CRY2: variants seen among roughly 807,000 people sequenced by gnomAD.
CRY2 encodes the protein cryptochrome-2.
A neutral mutation model predicts 69.5 loss-of-function variants in CRY2; 31 were observed. The observed-to-expected ratio is 0.45, with a 90% CI of 0.34 to 0.60. The LOEUF (loss-of-function observed/expected upper bound fraction) is 0.60, where lower values mean the gene tolerates loss of function less well. Ranked by LOEUF, CRY2 falls within the 20% of genes least tolerant of loss-of-function variation. The pLI is 0.02. For synonymous variants in CRY2, 303 were observed against 312.2 expected (o/e 0.97, Z 0.31); for missense variants, 606 against 797.8 (o/e 0.76, Z 2.90).
intron 1 of CRY2, among the ~76,000 whole-genome samples, 162 bp downstream of exon 1, chr11:45,847,867 G>A (rs971562975): frequency 2.6e-4 from 39 of 152,200 alleles, no homozygotes; most frequent in Admixed American, 1.3e-3. Flanking sequence ...GCGCCGGTGG[G>A]CCAGGGTTCA....
At chr11:45,873,879 T>C (rs1416299486) in intron 11 of CRY2, among the ~76,000 whole-genome samples, 1 of 152,198 alleles carries the variant, frequency 6.6e-6, no homozygotes, top group Non-Finnish European at 1.5e-5. Context: ...GCAGGGCGCT[T>C]AGGACAAGAA....
At chr11:45,864,401 T>C (rs973426411) in intron 5 of CRY2, among the ~76,000 whole-genome samples, 8 of 151,296 alleles carry the variant, frequency 5.3e-5, no homozygotes, top group Non-Finnish European at 8.8e-5. Context: ...GGCAGGAGGA[T>C]CTCTTGAACC....
intron 1 of CRY2, among the ~76,000 whole-genome samples, chr11:45,853,645 AC>A (rs141467132): frequency 0.17 from 25,702 of 152,090 alleles, 2,793 homozygotes; most frequent in Non-Finnish European, 0.24. Flanking sequence ...CAGATGGAGG[AC>A]CCTGTGTCCT....
chr11:45,880,600 A>G (rs894422291), intron 11 of CRY2, among the ~76,000 whole-genome samples: 2 of 152,152 alleles, frequency 1.3e-5, no homozygotes, highest in African/African-American at 4.8e-5. Flanking sequence ...TATCTGAGCA[A>G]GTATCCCCCA....
chr11:45,867,420 A>G (rs2086339575), intron 5 of CRY2, 192 bp from the exon 6 acceptor site: 1 of 613,084 alleles, frequency 1.6e-6, no homozygotes, highest in African/African-American at 1.8e-5. Flanking sequence ...AGCAAGTCAG[A>G]GAATGACATA....
chr11:45,857,378 C>T (rs2086249473), intron 2 of CRY2, among the ~76,000 whole-genome samples: 1 of 152,138 alleles, frequency 6.6e-6, no homozygotes, highest in Admixed American at 6.5e-5. Flanking sequence ...GTATCCTTAC[C>T]CACCATACCA....
At chr11:45,847,762 G>C in intron 1 of CRY2, 57 bp downstream of exon 1, 1 of 1,490,008 alleles carries the variant, frequency 6.7e-7, no homozygotes, top group Non-Finnish European at 9.0e-7. Flanking sequence ...ACCCTGGGGT[G>C]ACCGGCGAAC....
chr11:45,875,054 G>T (rs1386886180), intron 11 of CRY2, among the ~76,000 whole-genome samples: 3 of 152,366 alleles, frequency 2.0e-5, no homozygotes, highest in South Asian at 2.1e-4. Flanking sequence ...TATAAGGGTT[G>T]CTGGTCCAGG....
intron 1 of CRY2, 66 bp from the exon 2 acceptor site, chr11:45,855,916 C>A: frequency 7.3e-7 from 1 of 1,374,222 alleles, no homozygotes; most frequent in Non-Finnish European, 1.0e-6. Context: ...TTTCTCCCTG[C>A]TTTGTTAGGA....
intron 1 of CRY2, among the ~76,000 whole-genome samples, chr11:45,851,573 A>G (rs892013542): frequency 6.6e-6 from 1 of 152,214 alleles, no homozygotes; most frequent in Non-Finnish European, 1.5e-5. Context: ...TGCCAAGGAA[A>G]TGTTTCTGTT....
chr11:45,867,629 T>C lies in CRY2; in HGVS notation c.759T>C (p.Tyr253=). The change falls in exon 6 of 12, where the codon TAT becomes TAC. Residue 253 remains tyrosine, a synonymous_variant. Coordinates refer to ENST00000616080, the MANE Select transcript of CRY2 (RefSeq NM_021117.5). ...TGCTGTAGGCCTGGGTTGCCAACTA[T>C]GAGAGACCCCGAATGAACGCCAACT... ...HLERKAWVAN[Y]ERPRMNANSL... The C allele has an allele frequency of 6.2e-7, 1 of 1,614,242 alleles. No homozygotes were observed. The highest frequency in any genetic ancestry group is 8.5e-7 in the Non-Finnish European group (1 of 1,180,042).
At chr11:45,861,880 G>C (rs1311377269) in intron 4 of CRY2, 180 bp from the exon 5 acceptor site, 2 of 598,302 alleles carry the variant, frequency 3.3e-6, no homozygotes, top group Non-Finnish European at 5.9e-6. Context: ...AGAAAATAGT[G>C]ACTGTGGGAA....
intron 1 of CRY2, among the ~76,000 whole-genome samples, chr11:45,851,968 G>A (rs1305531487): frequency 6.6e-6 from 1 of 152,164 alleles, no homozygotes; most frequent in Non-Finnish European, 1.5e-5. Flanking sequence ...CACAGGATCA[G>A]CCATTCCTAG....
At chr11:45,867,317 T>G (rs2086338958) in intron 5 of CRY2, 1 of 367,488 alleles carries the variant, frequency 2.7e-6, no homozygotes, top group African/African-American at 2.0e-5. Context: ...TATCTCATTT[T>G]AATCCACAGA....
At chr11:45,850,008 G>GTT (rs68150323) in intron 1 of CRY2, among the ~76,000 whole-genome samples, 167 of 142,982 alleles carry the variant, frequency 1.2e-3, no homozygotes, top group African/African-American at 4.1e-3. Flanking sequence ...TTTGTTTTTT[G>GTT]TTTTTTTTTT....
intron 4 of CRY2, 181 bp downstream of exon 4, chr11:45,861,213 C>T: frequency 1.6e-6 from 1 of 642,430 alleles, no homozygotes; most frequent in Non-Finnish European, 2.6e-6. Flanking sequence ...AAACTGTGTC[C>T]TTCTAGTATT....
rs769444959 is a variant in CRY2, at chr11:45,870,099, G to C, written c.1241G>C (p.Gly414Ala). ...GATGCAGATTTCAGCGTGAACGCAG[G>C]CAGCTGGATGTGGCTGTCCTGCAGT... is the stretch of plus-strand genomic sequence containing the variant. ...LLDADFSVNA[G>A]SWMWLSCSAF... Residue 414 changes from glycine (G) to alanine (A), a missense_variant, in exon 8 of 12, where the codon GGC becomes GCC. Physicochemically the swap from Gly to Ala is moderately conservative, Grantham distance 60. Transcript: ENST00000616080. The C allele has an allele frequency of 6.2e-7, 1 of 1,612,692 alleles. No individual in the cohort carries two copies.
chr11:45,848,242 T>G (rs1590759385), intron 1 of CRY2, among the ~76,000 whole-genome samples: 2 of 152,064 alleles, frequency 1.3e-5, no homozygotes, highest in Non-Finnish European at 2.9e-5. Context: ...CCTCTAGGGG[T>G]GTCAAGTGAC....
In CRY2 at chr11:45,860,704, T is replaced by TC. The variant is rs1477192922; in HGVS notation, c.468-142dup. ...TGGAGATGCGGCCTCCCTTGCCCCC[T>TC]CCTTTCCACTCAGGCATGGGACCTG... On this transcript the variant is annotated intron_variant, in intron 3 of 11. Coordinates refer to ENST00000616080, the MANE Select transcript of CRY2 (RefSeq NM_021117.5). 46 of 844,772 alleles carry TC rather than the reference T, an allele frequency of 5.4e-5. No individual in the cohort carries two copies. The African/African-American group carries it at 7.6e-4, about 14-fold the overall frequency. The allele number at this position is 844,772 out of a possible 1,614,324, so 52.3% of individuals were successfully genotyped here.
Sources: gnomAD v4.1 joint callset for allele counts (sites outside exome capture counted in the v4.1 genomes callset) on GRCh38, gnomAD v4.1.1 for gene constraint, MANE v1.5 for transcripts, NCBI Gene and HGNC (gene_info 2026-07-23, HGNC 2026-07-21) for gene names.